RGS6: variants seen among roughly 807,000 people sequenced by gnomAD.
RGS6 encodes regulator of G-protein signaling 6.
In RGS6, 30 loss-of-function variants were observed where a neutral mutation model predicts 78.5. The ratio of observed to expected loss-of-function variants is 0.38; its 90% CI spans 0.29 to 0.52. The LOEUF (loss-of-function observed/expected upper bound fraction) is 0.52. Among genes scored for constraint, RGS6 ranks in the 20% least tolerant of loss-of-function variants. RGS6 has a pLI of 0.85. For missense variants in RGS6, 495 were observed against 609.7 expected (o/e 0.81, Z 1.98); for synonymous variants, 206 against 206.0 (o/e 1.00, Z 0.00).
At chr14:72,252,021 T>A (rs1182092424) in intron 2 of RGS6, among the ~76,000 whole-genome samples, 1 of 152,222 alleles carries the variant, frequency 6.6e-6, no homozygotes, top group Admixed American at 6.5e-5. Context: ...GCTATGCCAT[T>A]GGAGTGAAGA....
At chr14:72,306,520 A>C (rs1273618018) in intron 2 of RGS6, among the ~76,000 whole-genome samples, 1 of 152,244 alleles carries the variant, frequency 6.6e-6, no homozygotes, top group Non-Finnish European at 1.5e-5. Flanking sequence ...ACAGTTCCAG[A>C]TGCCATTAAG....
chr14:72,434,840 T>C (rs952523834), intron 3 of RGS6, among the ~76,000 whole-genome samples: 1 of 152,234 alleles, frequency 6.6e-6, no homozygotes, highest in Non-Finnish European at 1.5e-5. Flanking sequence ...AACCAAGTGC[T>C]TTTTAACCAG....
intron 3 of RGS6, among the ~76,000 whole-genome samples, chr14:72,385,915 T>C (rs931510736): frequency 2.0e-5 from 3 of 152,224 alleles, no homozygotes; most frequent in African/African-American, 7.2e-5. Flanking sequence ...AGAAAGCTAA[T>C]ATCACATGTT....
intron 2 of RGS6, among the ~76,000 whole-genome samples, chr14:72,001,032 G>A (rs1042687521): frequency 4.6e-5 from 7 of 152,158 alleles, no homozygotes; most frequent in East Asian, 1.9e-4. Context: ...CTTTAGTTTC[G>A]TTCTCTCTTG....
At position 72,087,899 on chromosome 14, in the gene RGS6, G is replaced by A. The variant is rs761173512; in HGVS notation, c.84+123024G>A. On this transcript the variant is annotated intron_variant, in intron 2 of 17. Transcript: ENST00000553525. Reference sequence around the variant, plus strand: ...GATGAGCTCATTCATCACAAATCTGGGGTCTTTAAAGTTTCTGCTGTTCCC... The same window carrying A: ...GATGAGCTCATTCATCACAAATCTGAGGTCTTTAAAGTTTCTGCTGTTCCC... Among the ~76,000 whole-genome samples the A allele has an allele frequency of 2.7e-4, 41 of 152,006 alleles. 1 individual carries two copies. Among genetic ancestry groups the A allele is most frequent in the Non-Finnish European group, 8.8e-5 (6 of 67,994 alleles).
intron 2 of RGS6, among the ~76,000 whole-genome samples, chr14:72,036,146 G>A (rs992789480): frequency 4.0e-5 from 6 of 151,706 alleles, no homozygotes; most frequent in Admixed American, 6.6e-5. Context: ...TGAGACTGGC[G>A]TCTTTCACTC....
At chr14:72,528,535 G>A (rs866321051) in intron 15 of RGS6, among the ~76,000 whole-genome samples, 2 of 152,208 alleles carry the variant, frequency 1.3e-5, no homozygotes, top group Non-Finnish European at 2.9e-5. Context: ...TGGAGGAGGT[G>A]CCTCTCCACT....
At chr14:71,930,343 T>C (rs1275076787), upstream of RGS6, among the ~76,000 whole-genome samples, 3 of 152,148 alleles carry the variant, frequency 2.0e-5, no homozygotes, top group African/African-American at 7.2e-5. Flanking sequence ...CCCTAGCACA[T>C]AAACCAATCT....
chr14:72,365,389 T>C (rs1392876624), intron 3 of RGS6, among the ~76,000 whole-genome samples: 3 of 152,224 alleles, frequency 2.0e-5, no homozygotes, highest in Non-Finnish European at 4.4e-5. Flanking sequence ...AAGGGAACCA[T>C]TGTACCAAGT....
Position 72,214,964 on chromosome 14 carries a change from G to A in RGS6, c.85-137131G>A, listed in dbSNP as rs558320927. ...CAATTTGCATAAATTTACCTGACTTGTAAGTGCCAGAACCAGAGTTAGAAC... is the reference window on the plus strand; with the variant it reads ...CAATTTGCATAAATTTACCTGACTTATAAGTGCCAGAACCAGAGTTAGAAC... On this transcript the variant is annotated intron_variant, in intron 2 of 17. Coordinates refer to ENST00000553525, the MANE Select transcript of RGS6 (RefSeq NM_001204424.2). Among the ~76,000 whole-genome samples the A allele has an allele frequency of 4.6e-5, 7 of 152,334 alleles. No individual in the cohort carries two copies. In the East Asian group the frequency reaches 1.3e-3, roughly 29 times the overall value.
At chr14:72,568,151 C>G (rs1030421178), downstream of RGS6, among the ~76,000 whole-genome samples, 10 of 152,184 alleles carry the variant, frequency 6.6e-5, no homozygotes, top group African/African-American at 2.4e-4. Context: ...CCAGGTCTGG[C>G]TTATTTCAGC....
the RGS6 span, among the ~76,000 whole-genome samples, chr14:72,573,684 G>T: frequency 2.0e-5 from 3 of 152,212 alleles, no homozygotes; most frequent in Admixed American, 6.5e-5. Context: ...TGTGAGCTGT[G>T]GCCTGACTGC....
At chr14:72,136,395 A>G (rs981763340) in intron 2 of RGS6, among the ~76,000 whole-genome samples, 5 of 152,118 alleles carry the variant, frequency 3.3e-5, no homozygotes, top group African/African-American at 1.2e-4. Context: ...ATAAAGACAT[A>G]TCGAAGACTG....
At chr14:72,415,728 G>A (rs973973882) in intron 3 of RGS6, among the ~76,000 whole-genome samples, 5 of 152,120 alleles carry the variant, frequency 3.3e-5, no homozygotes, top group African/African-American at 9.7e-5. Flanking sequence ...GCACAACATT[G>A]GCCATTAGTG....
At chr14:72,540,398 G>A in intron 17 of RGS6, 1 of 1,463,020 alleles carries the variant, frequency 6.8e-7, no homozygotes, top group Non-Finnish European at 9.0e-7. Context: ...GCTGCCCTCG[G>A]GGCTGTGCGG....
At chr14:72,079,015 T>A (rs1157219636) in intron 2 of RGS6, among the ~76,000 whole-genome samples, 2 of 152,188 alleles carry the variant, frequency 1.3e-5, no homozygotes, top group African/African-American at 4.8e-5. Context: ...CTCATCTTCC[T>A]ATTTTTAACA....
upstream of RGS6, among the ~76,000 whole-genome samples, chr14:71,928,728 A>T (rs1325631236): frequency 2.0e-5 from 3 of 152,234 alleles, no homozygotes; most frequent in Non-Finnish European, 1.5e-5. Context: ...ATATTATTTC[A>T]CTTGATACTT....
the RGS6 span, among the ~76,000 whole-genome samples, chr14:71,892,847 T>G: frequency 6.6e-6 from 1 of 152,254 alleles, no homozygotes; most frequent in African/African-American, 2.4e-5. Context: ...CGGCTTTTCA[T>G]GGTGACTTTA....
intron 3 of RGS6, 131 bp from the exon 4 acceptor site, chr14:72,454,397 A>G (rs45601334): frequency 0.014 from 12,615 of 882,010 alleles, 363 homozygotes; most frequent in East Asian, 0.069. Context: ...AGGACAAAAA[A>G]AAGTGCCCAT....
Sources: gnomAD v4.1 joint callset for allele counts (sites outside exome capture counted in the v4.1 genomes callset) on GRCh38, gnomAD v4.1.1 for gene constraint, MANE v1.5 for transcripts, NCBI Gene and HGNC (gene_info 2026-07-23, HGNC 2026-07-21) for gene names.